SOX6: variants seen among roughly 807,000 people sequenced by gnomAD.
The protein encoded by SOX6 is transcription factor SOX-6.
SOX6 carries 11 observed loss-of-function variants against 97.8 expected under a neutral mutation model. The ratio of observed to expected loss-of-function variants is 0.11; its 90% CI spans 0.07 to 0.19. SOX6 has a LOEUF of 0.19. Ranked by LOEUF, SOX6 falls within the 10% of genes least tolerant of loss-of-function variation. SOX6 has a pLI of 1.00. For missense variants in SOX6, 810 were observed against 1,039.5 expected (o/e 0.78, Z 3.04); for synonymous variants, 360 against 371.4 (o/e 0.97, Z 0.35).
Position 16,055,769 on chromosome 11 carries a change from G to A in SOX6, c.1234C>T (p.Pro412Ser). ...GAGTGTACCTTAACTTGAGTTACAGGGCTGGTCCCTCTCTTTTCATTTTTT... is the reference window on the plus strand; with the variant it reads ...GAGTGTACCTTAACTTGAGTTACAGAGCTGGTCCCTCTCTTTTCATTTTTT... ...GIKNEKRGTS[P>S]VTQVKDEAAA... Residue 412 changes from proline to serine, a missense_variant, in exon 10 of 16, where the codon CCT becomes TCT. Pro to Ser is a moderately conservative substitution (Grantham distance 74). This residue lies in a region of SOX6 where 244 missense variants were observed against 261.0 expected (regional missense o/e 0.93). Coordinates refer to ENST00000683767, the MANE Select transcript of SOX6 (RefSeq NM_001367873.1). The A allele has an allele frequency of 6.2e-7, 1 of 1,613,572 alleles. No homozygotes were observed. The highest frequency in any genetic ancestry group is 8.5e-7 in the Non-Finnish European group (1 of 1,179,748).
chr11:16,636,958 G>C (rs2134000309), intron 3 of SOX6, among the ~76,000 whole-genome samples: 1 of 152,090 alleles, frequency 6.6e-6, no homozygotes, highest in African/African-American at 2.4e-5. Flanking sequence ...CCCAGTCTTG[G>C]GTATGTCCCT....
At chr11:16,011,568 C>A (rs1205541654) in intron 13 of SOX6, among the ~76,000 whole-genome samples, 2 of 152,052 alleles carry the variant, frequency 1.3e-5, no homozygotes, top group African/African-American at 4.8e-5. Context: ...CTTTTGGTGA[C>A]CTTTTCCTCA....
intron 3 of SOX6, among the ~76,000 whole-genome samples, chr11:16,244,304 T>C (rs974482422): frequency 2.6e-5 from 4 of 151,870 alleles, no homozygotes; most frequent in African/African-American, 2.4e-5. Flanking sequence ...TGACCATTCA[T>C]ATATATTTTG....
intron 1 of SOX6, among the ~76,000 whole-genome samples, chr11:16,377,801 A>AT (rs1194187154): frequency 1.3e-5 from 2 of 152,198 alleles, no homozygotes; most frequent in Non-Finnish European, 2.9e-5. Flanking sequence ...ATAAACAAGC[A>AT]TTTAAAAAGT....
At chr11:16,424,703 A>G (rs952112727) in intron 1 of SOX6, among the ~76,000 whole-genome samples, 1 of 152,262 alleles carries the variant, frequency 6.6e-6, no homozygotes, top group Non-Finnish European at 1.5e-5. Context: ...TGTGAGATAC[A>G]CAAAGTTCCA....
At chr11:16,567,811 G>A (rs1334326566) in intron 4 of SOX6, among the ~76,000 whole-genome samples, 7 of 148,036 alleles carry the variant, frequency 4.7e-5, no homozygotes, top group South Asian at 2.1e-4. Flanking sequence ...TCCTGACCTC[G>A]TGATCCACCC....
At chr11:16,442,716 A>G (rs1460186571) in intron 1 of SOX6, among the ~76,000 whole-genome samples, 34 of 152,198 alleles carry the variant, frequency 2.2e-4, no homozygotes, top group Admixed American at 2.2e-3. Flanking sequence ...ATGACTAGCA[A>G]TTTTTGCAAT....
intron 4 of SOX6, among the ~76,000 whole-genome samples, chr11:16,595,778 CACAA>C (rs1848206859): frequency 1.3e-5 from 2 of 152,056 alleles, no homozygotes; most frequent in South Asian, 2.1e-4. Flanking sequence ...CTCTTAAAAA[CACAA>C]ACAAACAAAA....
At chr11:16,708,194 T>A (rs1446531808) in intron 3 of SOX6, among the ~76,000 whole-genome samples, 3 of 152,222 alleles carry the variant, frequency 2.0e-5, no homozygotes, top group Admixed American at 2.0e-4. Flanking sequence ...ACTTAGGGCA[T>A]ACAGACCTAA....
intron 12 of SOX6, among the ~76,000 whole-genome samples, chr11:16,027,163 T>TA (rs1855237114): frequency 6.6e-6 from 1 of 152,152 alleles, no homozygotes; most frequent in African/African-American, 2.4e-5. Flanking sequence ...TTCTATCTCT[T>TA]AAAAAATACA....
chr11:16,557,456 T>C (rs1000324368), intron 4 of SOX6, among the ~76,000 whole-genome samples: 5 of 151,806 alleles, frequency 3.3e-5, no homozygotes, highest in African/African-American at 4.8e-5. Context: ...TGAAATGTCC[T>C]CCCCGGATAG....
At chr11:16,472,862 A>G (rs1351338228) in intron 1 of SOX6, among the ~76,000 whole-genome samples, 2 of 152,140 alleles carry the variant, frequency 1.3e-5, no homozygotes, top group Admixed American at 6.5e-5. Flanking sequence ...ATAGCAGTAC[A>G]CTAACAAAGA....
chr11:16,684,270 A>G (rs1206509909), intron 3 of SOX6, among the ~76,000 whole-genome samples: 1 of 152,208 alleles, frequency 6.6e-6, no homozygotes, highest in African/African-American at 2.4e-5. Flanking sequence ...TACTATAAAG[A>G]CACATGCACA....
intron 3 of SOX6, among the ~76,000 whole-genome samples, chr11:16,269,029 T>C (rs113031384): frequency 1.2e-4 from 18 of 150,932 alleles, no homozygotes; most frequent in African/African-American, 4.3e-4. Flanking sequence ...TTTCTTGCAA[T>C]ATATTGCTTT....
At chr11:16,189,722 A>T (rs942172781) in intron 4 of SOX6, among the ~76,000 whole-genome samples, 1 of 152,186 alleles carries the variant, frequency 6.6e-6, no homozygotes, top group African/African-American at 2.4e-5. Context: ...AATGGGATGT[A>T]TACGTATTTT....
chr11:16,235,436 G>C (rs1243430248), intron 3 of SOX6, among the ~76,000 whole-genome samples: 1 of 151,954 alleles, frequency 6.6e-6, no homozygotes, highest in Admixed American at 6.6e-5. Context: ...TTCTCAATGA[G>C]TTATTTCTGC....
chr11:16,670,786 C>A (rs1590046312), intron 3 of SOX6, among the ~76,000 whole-genome samples: 1 of 151,766 alleles, frequency 6.6e-6, no homozygotes, highest in East Asian at 1.9e-4. Context: ...CGGCTGCCTC[C>A]AAGTTGGGGA....
At chr11:16,539,444 G>C (rs900029733) in intron 4 of SOX6, among the ~76,000 whole-genome samples, 1 of 152,092 alleles carries the variant, frequency 6.6e-6, no homozygotes, top group African/African-American at 2.4e-5. Flanking sequence ...TCAAAAGCTA[G>C]CAGAAGCAAA....
intron 6 of SOX6, among the ~76,000 whole-genome samples, chr11:16,114,447 A>G (rs539995892): frequency 9.3e-4 from 142 of 152,358 alleles, no homozygotes; most frequent in South Asian, 9.1e-3. Flanking sequence ...CTTGTGGCAC[A>G]GTACCTGACA....
Sources: allele counts gnomAD v4.1 joint callset (sites outside exome capture counted in the v4.1 genomes callset), GRCh38; gene constraint gnomAD v4.1.1; regional missense constraint gnomAD v4.1.1; transcripts MANE v1.5; gene names NCBI Gene and HGNC (gene_info 2026-07-23, HGNC 2026-07-21).